The following SLC25A26 variants were observed in gnomAD, a reference collection of about 807,000 sequenced individuals.
The protein encoded by SLC25A26 is solute carrier family 25 member 26, also known as mitochondrial S-adenosylmethionine carrier protein.
Under a neutral mutation model 37.8 loss-of-function variants are expected in SLC25A26, and 36 were observed. The observed-to-expected ratio is 0.95, with a 90% CI of 0.73 to 1.26. The LOEUF (loss-of-function observed/expected upper bound fraction) is 1.26. Among genes scored for constraint, SLC25A26 ranks in the 50% most tolerant of loss-of-function variants. The pLI, the probability that SLC25A26 is intolerant of heterozygous loss-of-function variation, is 0.00. For synonymous variants in SLC25A26, 129 were observed against 122.5 expected, an observed-to-expected ratio of 1.05 and a Z score of -0.35; for missense variants, 390 against 331.1, an observed-to-expected ratio of 1.18 and a Z score of -1.38.
chr3:66,341,924 G>A (rs1041398185), intron 5 of SLC25A26, among the ~76,000 whole-genome samples: 1 of 151,954 alleles, frequency 6.6e-6, no homozygotes, highest in Non-Finnish European at 1.5e-5. Flanking sequence ...TTTTGTTGTT[G>A]TTTTTTTAAG....
intron 2 of SLC25A26, among the ~76,000 whole-genome samples, chr3:66,237,437 G>T (rs564264858): frequency 6.6e-6 from 1 of 152,240 alleles, no homozygotes; most frequent in Non-Finnish European, 1.5e-5. Context: ...AGGTGACTCC[G>T]CTGTGAAGCC....
chr3:66,264,106 G>A (rs1030507282), intron 5 of SLC25A26, among the ~76,000 whole-genome samples: 3 of 151,946 alleles, frequency 2.0e-5, no homozygotes, highest in Non-Finnish European at 2.9e-5. Context: ...ACGAAACCTC[G>A]TCTCTACTAA....
intron 5 of SLC25A26, among the ~76,000 whole-genome samples, chr3:66,326,830 G>T (rs1224429488): frequency 6.6e-6 from 1 of 152,126 alleles, no homozygotes; most frequent in Non-Finnish European, 1.5e-5. Flanking sequence ...GTAATTAATG[G>T]CAGAAAGCCC....
chr3:66,296,351 A>G (rs192340790), intron 5 of SLC25A26, among the ~76,000 whole-genome samples: 6 of 152,220 alleles, frequency 3.9e-5, no homozygotes, highest in Non-Finnish European at 1.5e-5. Flanking sequence ...GAGTACATCA[A>G]ACATGTTCAA....
intron 1 of SLC25A26, among the ~76,000 whole-genome samples, chr3:66,144,234 G>A (rs2070081815): frequency 6.6e-6 from 1 of 152,140 alleles, no homozygotes; most frequent in South Asian, 2.1e-4. Context: ...AAGACTGCAA[G>A]CCTGCAAGTT....
upstream of SLC25A26, among the ~76,000 whole-genome samples, chr3:66,219,170 A>G (rs931156767): frequency 4.1e-3 from 630 of 152,324 alleles, 4 homozygotes; most frequent in African/African-American, 0.014. Flanking sequence ...GGGAAATGTC[A>G]GTGAAAGCTT....
intron 1 of SLC25A26, among the ~76,000 whole-genome samples, chr3:66,156,630 A>G (rs2070286488): frequency 6.6e-6 from 1 of 152,130 alleles, no homozygotes; most frequent in Non-Finnish European, 1.5e-5. Flanking sequence ...GTAGGGGATA[A>G]TTGGAGGCAA....
chr3:66,137,325 C>A (rs1309750949), intron 1 of SLC25A26, among the ~76,000 whole-genome samples: 1 of 150,398 alleles, frequency 6.6e-6, no homozygotes, highest in African/African-American at 2.5e-5. Flanking sequence ...CTCCCAGGTT[C>A]AAGCAATTCT....
intron 1 of SLC25A26, among the ~76,000 whole-genome samples, chr3:66,143,333 A>T (rs1172305218): frequency 2.6e-5 from 4 of 152,138 alleles, no homozygotes; most frequent in African/African-American, 9.7e-5. Flanking sequence ...ACCTGTTTCC[A>T]ATTATTTTGG....
chr3:66,146,722 GT>G (rs1462410763), intron 1 of SLC25A26, among the ~76,000 whole-genome samples: 1 of 152,088 alleles, frequency 6.6e-6, no homozygotes, highest in African/African-American at 2.4e-5. Context: ...GGTTGTAATG[GT>G]TTTTGGTTAC....
At chr3:66,246,633 T>C (rs2072855259) in intron 3 of SLC25A26, among the ~76,000 whole-genome samples, 1 of 152,174 alleles carries the variant, frequency 6.6e-6, no homozygotes, top group East Asian at 1.9e-4. Flanking sequence ...CAAGTATCCA[T>C]GAGACTGGAG....
intron 1 of SLC25A26, among the ~76,000 whole-genome samples, chr3:66,196,121 ACTAT>A (rs1375363296): frequency 1.5e-5 from 2 of 131,026 alleles, no homozygotes; most frequent in Non-Finnish European, 3.3e-5. Flanking sequence ...TACATTAATT[ACTAT>A]CTTTAAGTAA....
At chr3:66,277,256 G>C (rs1238163760) in intron 5 of SLC25A26, among the ~76,000 whole-genome samples, 1 of 152,000 alleles carries the variant, frequency 6.6e-6, no homozygotes, top group African/African-American at 2.4e-5. Flanking sequence ...GCAAATACCA[G>C]ACATTCTGAT....
intron 6 of SLC25A26, among the ~76,000 whole-genome samples, chr3:66,357,715 A>G (rs2076608117): frequency 7.0e-6 from 1 of 142,198 alleles, no homozygotes; most frequent in South Asian, 2.2e-4. Context: ...GCAGATTCTT[A>G]AAAAAAAAAA....
intron 1 of SLC25A26, among the ~76,000 whole-genome samples, chr3:66,214,129 G>T (rs984220154): frequency 0.063 from 9,593 of 152,100 alleles, 358 homozygotes; most frequent in African/African-American, 0.1. Context: ...GGAGGTGTTT[G>T]GGTCATGGGG....
chr3:66,138,878 T>C (rs985862841), intron 1 of SLC25A26, among the ~76,000 whole-genome samples: 2 of 152,174 alleles, frequency 1.3e-5, no homozygotes, highest in Non-Finnish European at 2.9e-5. Flanking sequence ...GTAATGGTCC[T>C]GAGTCCACTG....
At chr3:66,336,052 A>G (rs1200716495) in intron 5 of SLC25A26, among the ~76,000 whole-genome samples, 1 of 152,200 alleles carries the variant, frequency 6.6e-6, no homozygotes, top group Non-Finnish European at 1.5e-5. Context: ...TTTTGCGTAA[A>G]TGCACAGAGG....
chr3:66,292,364 TATTA>T (rs960594626), intron 5 of SLC25A26, among the ~76,000 whole-genome samples: 25 of 151,326 alleles, frequency 1.7e-4, no homozygotes, highest in Non-Finnish European at 2.2e-4. Flanking sequence ...CAAAATAACC[TATTA>T]ATTGATGCAG....
At chr3:66,228,316 A>C (rs184990958) in intron 1 of SLC25A26, among the ~76,000 whole-genome samples, 1 of 152,346 alleles carries the variant, frequency 6.6e-6, no homozygotes, top group East Asian at 1.9e-4. Context: ...TAAGAAAGGC[A>C]TACTTGGAAA....
Sources: allele counts gnomAD v4.1 joint callset (sites outside exome capture counted in the v4.1 genomes callset), GRCh38; gene constraint gnomAD v4.1.1; transcripts MANE v1.5; gene names NCBI Gene and HGNC (gene_info 2026-07-23, HGNC 2026-07-21).